The following TPM2 variants were observed in gnomAD, a reference collection of about 807,000 sequenced individuals.
TPM2 encodes the protein tropomyosin beta chain.
A neutral mutation model predicts 41.0 loss-of-function variants in TPM2; 26 were observed. That is an observed-to-expected ratio of 0.63 (90% CI 0.46 to 0.88). TPM2 has a LOEUF of 0.88. TPM2 is among the 40% of genes least tolerant of loss of function. TPM2 has a pLI of 0.00. For synonymous variants in TPM2, 143 were observed against 139.3 expected, an observed-to-expected ratio of 1.03 and a Z score of -0.19; for missense variants, 187 against 355.2, an observed-to-expected ratio of 0.53 and a Z score of 3.81.
downstream of TPM2, chr9:35,682,258 G>C (rs10972558): frequency 0.22 from 299,010 of 1,331,142 alleles, 36,508 homozygotes; most frequent in Middle Eastern, 0.3. Context: ...GACATGGAGT[G>C]GGTCAAGGAA....
At chr9:35,688,989 T>A (rs1825095453) in intron 2 of TPM2, among the ~76,000 whole-genome samples, 157 bp downstream of exon 2, 2 of 152,176 alleles carry the variant, frequency 1.3e-5, no homozygotes, top group South Asian at 4.1e-4. Flanking sequence ...ATTACTTGTG[T>A]AAGTTTACCC....
chr9:35,685,917 C>A lies in TPM2; in HGVS notation c.241-137G>T. ...TCTAGACATTCTATGTGATTTTTCC[C>A]CAACCAATCATCTTCTGCCCAGACT... is the stretch of plus-strand genomic sequence containing the variant. On this transcript the variant is annotated intron_variant, in intron 2 of 8. Coordinates refer to ENST00000645482, the MANE Select transcript of TPM2 (RefSeq NM_003289.4). The surrounding 1 kb of genome is among the most constrained non-coding windows in gnomAD (Gnocchi z 5.0). 1 of 1,434,740 alleles carries A rather than the reference C, an allele frequency of 7.0e-7. No individual in the cohort carries two copies. Among genetic ancestry groups the A allele is most frequent in the Non-Finnish European group, 9.6e-7 (1 of 1,041,868 alleles). The allele number at this position is 1,434,740 out of a possible 1,614,324, so 88.9% of individuals were successfully genotyped here. A position where few individuals can be genotyped will look rare whatever the true frequency, so the allele number is the denominator to read the frequency against.
In TPM2 at chr9:35,684,524, T is replaced by C. The variant is rs567593410; in HGVS notation, c.666A>G (p.Glu222=). 36 of 1,614,144 alleles carry C rather than the reference T, an allele frequency of 2.2e-5. No homozygotes were observed. The South Asian group carries it at 3.8e-4, about 17-fold the overall frequency. ...DKYSTKEDKY[E]EEIKLLEEKL... ...TCTCCTCCAACAGTTTGATCTCCTCTTCATATTTATCTTCTTTGGTGGAAT... is the reference window on the plus strand; with the variant it reads ...TCTCCTCCAACAGTTTGATCTCCTCCTCATATTTATCTTCTTTGGTGGAAT... The change falls in exon 7 of 9, where the codon GAA becomes GAG. Residue 222 remains glutamate (E), a synonymous_variant. Transcript: ENST00000645482.
chr9:35,685,289 C>T lies in TPM2; in HGVS notation c.543G>A (p.Glu181=), dbSNP rs140760079. ...TTTACCTCTCGGCCACCTCAGCCCT[C>T]TCCTCCGAGCGCTCCAGCTCTCCTT... ...ILEGELERSE[E]RAEVAESKCG... Residue 181 remains glutamate (E), a synonymous_variant, in exon 5 of 9, where the codon GAG becomes GAA. Transcript: ENST00000645482. The surrounding 1 kb of genome is among the most constrained non-coding windows in gnomAD (Gnocchi z 5.0). 6.2e-7 allele frequency: 1 copy of T among 1,614,128 alleles called. No homozygotes were observed. The highest frequency in any genetic ancestry group is 1.3e-5 in the African/African-American group (1 of 74,942).
At position 35,689,719 on chromosome 9, in the gene TPM2, C is replaced by T; in HGVS notation, c.99G>A (p.Glu33=). 6.2e-7 allele frequency: 1 copy of T among 1,613,650 alleles called. No individual in the cohort carries two copies. Among genetic ancestry groups the T allele is most frequent in the Non-Finnish European group, 8.5e-7 (1 of 1,179,752 alleles). Residue 33 remains glutamate (E), a synonymous_variant, in exon 1 of 9, where the codon GAG becomes GAA. Transcript: ENST00000645482. ...EQAEADKKQA[E]DRCKQLEEEQ... ...CGGCCCTAACCTGCTTGCAGCGGTC[C>T]TCAGCTTGCTTCTTGTCGGCTTCGG...
downstream of TPM2, chr9:35,682,504 A>G: frequency 7.8e-7 from 1 of 1,274,462 alleles, no homozygotes; most frequent in Non-Finnish European, 1.0e-6. Context: ...AGACAGACAG[A>G]CTTGAGGTAG....
upstream of TPM2, chr9:35,690,011 A>T (rs1825169052): frequency 2.8e-6 from 4 of 1,432,498 alleles, no homozygotes; most frequent in Non-Finnish European, 3.7e-6. Context: ...CCTCGGCCCA[A>T]ACCTTGTAGG....
intron 5 of TPM2, 122 bp from the exon 6 acceptor site, chr9:35,684,929 G>A: frequency 1.2e-6 from 2 of 1,610,010 alleles, no homozygotes; most frequent in African/African-American, 1.3e-5. Flanking sequence ...GAGAGTGACA[G>A]CAGGCAGGGC....
rs763052107 is a variant in TPM2 at position 35,689,183 on chromosome 9, TGGGCCTCCTTCAC to T, written c.190_202del (p.Val64ArgfsTer21). ...CTTCTCGGCCTGCTCCAGTTTCTCC[TGGGCCTCCTTCAC>T]GGATTCAGAATACTTTTCCACCTCA... On this transcript the variant is annotated frameshift_variant, in exon 2 of 9. Coordinates refer to ENST00000645482, the MANE Select transcript of TPM2 (RefSeq NM_003289.4). LOFTEE classifies it high-confidence loss of function. 1.2e-6 allele frequency: 2 copies of T among 1,614,176 alleles called. No homozygotes were observed. The highest frequency in any genetic ancestry group is 1.7e-6 in the Non-Finnish European group (2 of 1,180,008).
intron 2 of TPM2, chr9:35,686,212 T>C (rs991599321): frequency 1.5e-5 from 4 of 264,552 alleles, no homozygotes; most frequent in Non-Finnish European, 3.0e-5. Context: ...GTCGTGCCAC[T>C]GCACTCCAGC....
rs1394965769 is a variant in TPM2, at chr9:35,684,798, C to T, written c.573G>A (p.Gly191=). 1 of 1,606,382 alleles carries T rather than the reference C, an allele frequency of 6.2e-7. No homozygotes were observed. The highest frequency in any genetic ancestry group is 1.1e-5 in the South Asian group (1 of 90,604). ...CAATTTTCAGCTCCTCCTCTAGGTCCCCACATTTACTGCAGGGGGTGTGTG... is the reference window on the plus strand; with the variant it reads ...CAATTTTCAGCTCCTCCTCTAGGTCTCCACATTTACTGCAGGGGGTGTGTG... ...ERAEVAESKC[G]DLEEELKIVT... is the part of the protein sequence containing the mutation. Residue 191 remains glycine (G), a synonymous_variant, in exon 6 of 9, where the codon GGG becomes GGA. Coordinates refer to ENST00000645482, the MANE Select transcript of TPM2 (RefSeq NM_003289.4).
In TPM2 at chr9:35,689,734, G is replaced by A. The variant is rs1476042314; in HGVS notation, c.84C>T (p.Asp28=). 6.2e-7 allele frequency: 1 copy of A among 1,613,626 alleles called. No individual in the cohort carries two copies. Among genetic ancestry groups the A allele is most frequent in the African/African-American group, 1.3e-5 (1 of 74,908 alleles). ...TGCAGCGGTCCTCAGCTTGCTTCTT[G>A]TCGGCTTCGGCCTGCTCGGCGCGGT... ...AIDRAEQAEA[D]KKQAEDRCKQ... The change falls in exon 1 of 9, where the codon GAC becomes GAT. Residue 28 remains aspartate (D), a synonymous_variant. Transcript: ENST00000645482.
At chr9:35,688,245 C>G (rs1002887918) in intron 2 of TPM2, among the ~76,000 whole-genome samples, 1 of 152,176 alleles carries the variant, frequency 6.6e-6, no homozygotes, top group African/African-American at 2.4e-5. Context: ...AAGCCCAACC[C>G]CTGGGGGGCT....
chr9:35,684,356 G>C (rs768393531), intron 7 of TPM2, 41 bp from the exon 8 acceptor site: 7 of 1,612,498 alleles, frequency 4.3e-6, no homozygotes, highest in Non-Finnish European at 5.1e-6. Context: ...CAAAGAATTA[G>C]GCCCTCCCAC....
chr9:35,684,657 C>T (rs1316587057), intron 6 of TPM2, 75 bp downstream of exon 6: 4 of 1,613,362 alleles, frequency 2.5e-6, no homozygotes, highest in East Asian at 4.5e-5. Context: ...GAACACCCAG[C>T]CCCTCCCTGC....
chr9:35,688,937 T>C (rs200502091), intron 2 of TPM2, among the ~76,000 whole-genome samples: 1 of 152,204 alleles, frequency 6.6e-6, no homozygotes, highest in East Asian at 1.9e-4. Flanking sequence ...CTAAGTCCTC[T>C]GGGGGAAGTG....
Position 35,685,623 on chromosome 9 carries a change from A to T in TPM2, c.374+24T>A. 6.2e-7 allele frequency: 1 copy of T among 1,613,860 alleles called. No homozygotes were observed. The highest frequency in any genetic ancestry group is 8.5e-7 in the Non-Finnish European group (1 of 1,179,948). On this transcript the variant is annotated intron_variant, in intron 3 of 8. Transcript: ENST00000645482. The surrounding 1 kb of genome is among the most constrained non-coding windows in gnomAD (Gnocchi z 5.0). The stretch of plus-strand genomic sequence containing the variant: ...CAGGCTCCCTTCTCCCTCCCGGACC[A>T]TCCTCCCCGAGGCCCCTGACCACCT...
intron 2 of TPM2, among the ~76,000 whole-genome samples, chr9:35,687,562 T>C (rs560431804): frequency 2.0e-5 from 3 of 150,922 alleles, no homozygotes; most frequent in East Asian, 1.9e-4. Flanking sequence ...ATATAGAGAG[T>C]AGATGGTAGC....
At chr9:35,682,718 AT>A (rs1462278534), downstream of TPM2, 17 of 1,314,248 alleles carry the variant, frequency 1.3e-5, no homozygotes, top group Non-Finnish European at 1.6e-5. Context: ...TCATGGTTTG[AT>A]GGGGCCACAC....
Sources: gnomAD v4.1 joint callset for allele counts (sites outside exome capture counted in the v4.1 genomes callset) on GRCh38, gnomAD v4.1.1 for gene constraint, Gnocchi (gnomAD v3.1) non-coding constraint, MANE v1.5 for transcripts, NCBI Gene and HGNC (gene_info 2026-07-23, HGNC 2026-07-21) for gene names.